SIAH3: variants seen among roughly 807,000 people sequenced by gnomAD.
SIAH3 encodes seven in absentia homolog 3.
In SIAH3, 9 loss-of-function variants were observed where a neutral mutation model predicts 12.6. The observed-to-expected ratio is 0.72, with a 90% CI of 0.43 to 1.25. The LOEUF is 1.25. Among genes scored for constraint, SIAH3 ranks in the 50% most tolerant of loss-of-function variants. The pLI, the probability that SIAH3 is intolerant of heterozygous loss-of-function variation, is 0.00. For synonymous variants in SIAH3, 154 were observed against 151.1 expected (o/e 1.02, Z -0.14); for missense variants, 390 against 365.4 (o/e 1.07, Z -0.55).
rs910751339 is a variant in SIAH3, at chr13:45,781,911, G to C, written c.*1472C>G. 6.6e-6 allele frequency: 1 copy of C among 152,222 alleles called. No individual in the cohort carries two copies. Among genetic ancestry groups the C allele is most frequent in the Non-Finnish European group, 1.5e-5 (1 of 68,100 alleles). 9.4% of individuals were successfully genotyped at this position (152,222 alleles called of 1,614,324 possible). On this transcript the variant is annotated 3_prime_UTR_variant, in exon 2 of 2. Coordinates refer to ENST00000400405, the MANE Select transcript of SIAH3 (RefSeq NM_198849.3). Reference sequence around the variant, plus strand: ...GAGGTGCAGGAACAGGGCACGGAGAGTAATGTCTGGTTGGCCAAAGGCCCA... The same window carrying C: ...GAGGTGCAGGAACAGGGCACGGAGACTAATGTCTGGTTGGCCAAAGGCCCA...
intron 1 of SIAH3, among the ~76,000 whole-genome samples, chr13:45,808,691 A>C (rs1950606315): frequency 7.2e-6 from 1 of 139,626 alleles, no homozygotes; most frequent in African/African-American, 2.7e-5. Context: ...TAATAAACTT[A>C]TGTCCATATG....
intron 1 of SIAH3, among the ~76,000 whole-genome samples, chr13:45,809,514 C>T (rs1404931458): frequency 6.6e-6 from 1 of 152,146 alleles, no homozygotes; most frequent in Non-Finnish European, 1.5e-5. Flanking sequence ...TAATTTGGGC[C>T]CTCTTTCTCT....
intron 1 of SIAH3, among the ~76,000 whole-genome samples, chr13:45,824,721 C>T (rs900900030): frequency 3.3e-5 from 5 of 152,060 alleles, no homozygotes; most frequent in East Asian, 1.9e-4. Flanking sequence ...GTTAAAGCAG[C>T]GCATCGGAGT....
intron 1 of SIAH3, among the ~76,000 whole-genome samples, chr13:45,846,193 G>A (rs1462799629): frequency 7.0e-6 from 1 of 143,030 alleles, no homozygotes; most frequent in Non-Finnish European, 1.5e-5. Flanking sequence ...GGGTTCAAGC[G>A]ATTCTTCTGC....
intron 1 of SIAH3, among the ~76,000 whole-genome samples, chr13:45,789,030 G>T (rs531474746): frequency 2.4e-4 from 37 of 152,314 alleles, no homozygotes; most frequent in African/African-American, 8.7e-4. Context: ...TCTGAGCCAA[G>T]TTGGGAGTCA....
At chr13:45,799,169 G>A (rs1429592505) in intron 1 of SIAH3, among the ~76,000 whole-genome samples, 1 of 152,186 alleles carries the variant, frequency 6.6e-6, no homozygotes, top group South Asian at 2.1e-4. Context: ...GACTAAGATC[G>A]GGAATTGAGG....
intron 1 of SIAH3, among the ~76,000 whole-genome samples, chr13:45,849,974 G>A (rs1419373687): frequency 1.3e-5 from 2 of 152,212 alleles, no homozygotes; most frequent in African/African-American, 4.8e-5. Context: ...TTATTTTAAT[G>A]TGCATACTAC....
At position 45,780,169 on chromosome 13, in the gene SIAH3, C is replaced by T. The variant is rs1400235414; in HGVS notation, c.*3214G>A. 1 of 152,282 alleles carries T rather than the reference C, an allele frequency of 6.6e-6. No individual in the cohort carries two copies. The highest frequency in any genetic ancestry group is 2.4e-5 in the African/African-American group (1 of 41,458). The allele number at this position is 152,282 out of a possible 1,614,324, so 9.4% of individuals were successfully genotyped here. A position where few individuals can be genotyped will look rare whatever the true frequency, so the allele number is the denominator to read the frequency against. ...CTCCTGGGACTCTAAGGTGAGAAAC[C>T]TGGGTGTGGGCAAAGGGATTCAGAA... is the stretch of plus-strand genomic sequence containing the variant. On this transcript the variant is annotated 3_prime_UTR_variant, in exon 2 of 2. Coordinates refer to ENST00000400405, the MANE Select transcript of SIAH3 (RefSeq NM_198849.3).
rs1024265526 is a variant in SIAH3, at chr13:45,783,344, C to T, written c.*39G>A. 6.4e-7 allele frequency: 1 copy of T among 1,572,602 alleles called. No individual in the cohort carries two copies. Among genetic ancestry groups the T allele is most frequent in the African/African-American group, 1.4e-5 (1 of 73,848 alleles). On this transcript the variant is annotated 3_prime_UTR_variant, in exon 2 of 2. Transcript: ENST00000400405. The stretch of plus-strand genomic sequence containing the variant: ...GGTATTGGGAGGTCCCAGGCGTTTC[C>T]TAGGGAGGCTGTGTGGGGAGCATCC...
At chr13:45,809,494 A>T (rs569330491) in intron 1 of SIAH3, among the ~76,000 whole-genome samples, 2 of 152,350 alleles carry the variant, frequency 1.3e-5, no homozygotes, top group Admixed American at 6.5e-5. Flanking sequence ...GTTTCAGTCG[A>T]GAATATCAAT....
chr13:45,842,032 T>C (rs976197925), intron 1 of SIAH3, among the ~76,000 whole-genome samples: 2 of 152,198 alleles, frequency 1.3e-5, no homozygotes, highest in Non-Finnish European at 2.9e-5. Flanking sequence ...GCAAGTCACT[T>C]CATCCCCTTG....
chr13:45,804,831 C>T (rs1950593383), intron 1 of SIAH3, among the ~76,000 whole-genome samples: 1 of 151,986 alleles, frequency 6.6e-6, no homozygotes, highest in Non-Finnish European at 1.5e-5. Context: ...AAGGCTCCAC[C>T]AAAAGGATCC....
chr13:45,828,158 T>G (rs1401613743), intron 1 of SIAH3, among the ~76,000 whole-genome samples: 2 of 152,132 alleles, frequency 1.3e-5, no homozygotes, highest in Non-Finnish European at 2.9e-5. Flanking sequence ...GAGGACTAAA[T>G]GAGATATCAT....
In SIAH3 at chr13:45,851,654, C is replaced by T. The variant is rs1329005483; in HGVS notation, c.-25G>A. The T allele has an allele frequency of 6.2e-7, 1 of 1,613,826 alleles. No homozygotes were observed. The highest frequency in any genetic ancestry group is 8.5e-7 in the Non-Finnish European group (1 of 1,179,808). ...TCACAACTTTTGGGGGGTTGTTGGT[C>T]CGGGAAGGCAGCGGAGGAAGCTGTG... On this transcript the variant is annotated 5_prime_UTR_variant, in exon 1 of 2. Transcript: ENST00000400405.
At chr13:45,812,463 C>T (rs1950619440) in intron 1 of SIAH3, among the ~76,000 whole-genome samples, 1 of 152,106 alleles carries the variant, frequency 6.6e-6, no homozygotes, top group Non-Finnish European at 1.5e-5. Flanking sequence ...TTAGTGCCTG[C>T]TAAAGAGCTT....
chr13:45,806,707 C>A (rs879666243), intron 1 of SIAH3, among the ~76,000 whole-genome samples: 2 of 151,970 alleles, frequency 1.3e-5, no homozygotes, highest in African/African-American at 2.4e-5. Flanking sequence ...ACATTTACCC[C>A]CTAAACTTAA....
At chr13:45,830,879 T>G (rs1238997101) in intron 1 of SIAH3, among the ~76,000 whole-genome samples, 1 of 151,956 alleles carries the variant, frequency 6.6e-6, no homozygotes, top group Admixed American at 6.6e-5. Flanking sequence ...ACAGAATAAG[T>G]TAAGAATGGT....
rs78360874 is a variant in SIAH3, at chr13:45,849,197, G to C, written c.135+2298C>G. Among the ~76,000 whole-genome samples the C allele has an allele frequency of 9.3e-4, 142 of 152,258 alleles. 1 individual carries two copies. The East Asian group carries it at 0.026, about 28-fold the overall frequency. ...CAAATCCTGTGTGCCTAATCCTGAG[G>C]GGGCATTAGCAGCACTCAACTTGCT... On this transcript the variant is annotated intron_variant, in intron 1 of 1. Transcript: ENST00000400405.
chr13:45,815,711 A>C (rs555338108), intron 1 of SIAH3, among the ~76,000 whole-genome samples: 1 of 152,190 alleles, frequency 6.6e-6, no homozygotes, highest in Non-Finnish European at 1.5e-5. Flanking sequence ...TGATGATTAC[A>C]GTTGTTCACT....
Sources: gnomAD v4.1 joint callset for allele counts (sites outside exome capture counted in the v4.1 genomes callset) on GRCh38, gnomAD v4.1.1 for gene constraint, MANE v1.5 for transcripts, NCBI Gene and HGNC (gene_info 2026-07-23, HGNC 2026-07-21) for gene names.